The following CASK variants were observed in gnomAD, a reference collection of about 807,000 sequenced individuals.
CASK encodes calcium/calmodulin dependent serine protein kinase, also known as peripheral plasma membrane protein CASK.
In CASK, 4 loss-of-function variants were observed where a neutral mutation model predicts 82.9. The ratio of observed to expected loss-of-function variants is 0.05; its 90% CI spans 0.02 to 0.11. The LOEUF (loss-of-function observed/expected upper bound fraction) is 0.11, where lower values mean the gene tolerates loss of function less well. Among genes scored for constraint, CASK ranks in the 10% least tolerant of loss-of-function variants. CASK has a pLI of 1.00. For missense variants in CASK, 358 were observed against 720.9 expected (o/e 0.50, Z 5.76); for synonymous variants, 259 against 253.5 (o/e 1.02, Z -0.20).
intron 3 of CASK, among the ~76,000 whole-genome samples, chrX:41,757,301 A>T (rs1314578700): frequency 9.0e-6 from 1 of 110,597 alleles, no homozygotes; most frequent in African/African-American, 3.3e-5. Flanking sequence ...ATCTTTTCCC[A>T]ACACTTTTGC....
At chrX:41,774,012 T>C (rs1323620389) in intron 3 of CASK, among the ~76,000 whole-genome samples, 1 of 112,104 alleles carries the variant, frequency 8.9e-6, no homozygotes, top group Non-Finnish European at 1.9e-5. Context: ...CTATAATTTT[T>C]TATATAATAA....
chrX:41,711,573 T>C (rs764810221), intron 5 of CASK, among the ~76,000 whole-genome samples: 58 of 110,962 alleles, frequency 5.2e-4, no homozygotes, highest in Non-Finnish European at 9.1e-4. Context: ...CCTACCTACA[T>C]GTCCCGGGTA....
At chrX:41,827,402 T>G (rs2070690430) in intron 2 of CASK, among the ~76,000 whole-genome samples, 1 of 111,834 alleles carries the variant, frequency 8.9e-6, no homozygotes, top group Non-Finnish European at 1.9e-5. Flanking sequence ...AGATCTGGTA[T>G]CTAATGCAGG....
intron 7 of CASK, among the ~76,000 whole-genome samples, chrX:41,663,394 A>G (rs1337761558): frequency 1.8e-5 from 2 of 111,514 alleles, no homozygotes; most frequent in Non-Finnish European, 3.8e-5. Context: ...AAAAAAGTAA[A>G]TAAATTATTA....
At position 41,816,568 on chromosome X, in the gene CASK, A is replaced by G. The variant is rs566833239; in HGVS notation, c.173-29285T>C. Among the ~76,000 whole-genome samples, 9 of 111,007 alleles carry G rather than the reference A, an allele frequency of 8.1e-5. No individual in the cohort carries two copies. In the South Asian group the frequency reaches 1.5e-3, roughly 19 times the overall value. The stretch of plus-strand genomic sequence containing the variant: ...ACAGAAAACATAAATGAAACAAAAA[A>G]TGGGTTCTTGAAATAGATCAATGAA... On this transcript the variant is annotated intron_variant, in intron 2 of 26. Coordinates refer to ENST00000378163, the MANE Select transcript of CASK (RefSeq NM_001367721.1).
chrX:41,798,141 G>A (rs941955350), intron 2 of CASK, among the ~76,000 whole-genome samples: 1 of 111,819 alleles, frequency 8.9e-6, no homozygotes, highest in Non-Finnish European at 1.9e-5. Flanking sequence ...TATGTATGTG[G>A]ATATTGTCTT....
At chrX:41,842,466 G>T (rs1473041904) in intron 2 of CASK, among the ~76,000 whole-genome samples, 1 of 109,185 alleles carries the variant, frequency 9.2e-6, no homozygotes, top group Non-Finnish European at 1.9e-5. Flanking sequence ...CCAGATACTT[G>T]GGAGGCTGAG....
At chrX:41,770,073 C>T (rs866761687) in intron 3 of CASK, among the ~76,000 whole-genome samples, 14 of 111,018 alleles carry the variant, frequency 1.3e-4, no homozygotes, top group Admixed American at 3.9e-4. Context: ...TAAGAGATCT[C>T]GACCAATAAC....
chrX:41,569,404 G>A (rs1258318993), intron 16 of CASK, among the ~76,000 whole-genome samples: 1 of 110,977 alleles, frequency 9.0e-6, no homozygotes, highest in Non-Finnish European at 1.9e-5. Context: ...AAGAAACAAT[G>A]GAGGCCAATA....
At chrX:41,824,739 A>G (rs1162877459) in intron 2 of CASK, among the ~76,000 whole-genome samples, 1 of 111,455 alleles carries the variant, frequency 9.0e-6, no homozygotes, top group African/African-American at 3.3e-5. Context: ...TCCCACTAGC[A>G]TGGTGTCTCA....
At chrX:41,591,104 G>T (rs2065737885) in intron 12 of CASK, among the ~76,000 whole-genome samples, 1 of 111,685 alleles carries the variant, frequency 9.0e-6, no homozygotes, top group South Asian at 3.7e-4. Context: ...GGTGATTTGT[G>T]GCTCGTCCAC....
At chrX:41,760,231 A>T (rs925213380) in intron 3 of CASK, among the ~76,000 whole-genome samples, 18 of 112,396 alleles carry the variant, frequency 1.6e-4, no homozygotes, top group African/African-American at 5.8e-4. Context: ...TAATCCTCAC[A>T]GCTAAACACC....
chrX:41,632,041 C>A (rs2066476389), intron 9 of CASK, among the ~76,000 whole-genome samples: 1 of 111,110 alleles, frequency 9.0e-6, no homozygotes, highest in South Asian at 3.9e-4. Context: ...AGTGATCCTC[C>A]CACCTCAGCC....
intron 5 of CASK, among the ~76,000 whole-genome samples, chrX:41,738,636 T>C (rs1468064548): frequency 8.0e-5 from 9 of 111,983 alleles, no homozygotes; most frequent in Non-Finnish European, 5.6e-5. Context: ...AGGAACACTA[T>C]GTATGTGCAT....
At chrX:41,813,133 G>A (rs1323850630) in intron 2 of CASK, among the ~76,000 whole-genome samples, 1 of 111,594 alleles carries the variant, frequency 9.0e-6, no homozygotes, top group Non-Finnish European at 1.9e-5. Flanking sequence ...TCATGGATAG[G>A]AAGAATCAAT....
intron 3 of CASK, among the ~76,000 whole-genome samples, chrX:41,753,908 TTAAAGCAATTAATAAATCTAG>T (rs1469262219): frequency 6.3e-5 from 7 of 111,672 alleles, no homozygotes; most frequent in Middle Eastern, 4.2e-3. Flanking sequence ...TAAATAAATT[TTAAAGCAATTAATAAATCTAG>T]AAAATTCCTA....
chrX:41,622,722 G>A, intron 10 of CASK, 88 bp from the exon 11 acceptor site: 1 of 753,839 alleles, frequency 1.3e-6, no homozygotes, highest in Non-Finnish European at 1.9e-6. Flanking sequence ...CCCACTACAT[G>A]AGCCACCAGA....
At chrX:41,659,259 G>T (rs2066991598) in intron 8 of CASK, among the ~76,000 whole-genome samples, 1 of 107,779 alleles carries the variant, frequency 9.3e-6, no homozygotes, top group Non-Finnish European at 1.9e-5. Context: ...ACGGAGACTC[G>T]CTCTGTCACC....
At chrX:41,647,567 C>T (rs1007793862) in intron 8 of CASK, among the ~76,000 whole-genome samples, 2 of 111,102 alleles carry the variant, frequency 1.8e-5, no homozygotes, top group East Asian at 2.8e-4. Flanking sequence ...GCGTCAAAAT[C>T]GAGAGAACGA....
Sources: allele counts gnomAD v4.1 joint callset (sites outside exome capture counted in the v4.1 genomes callset), GRCh38; gene constraint gnomAD v4.1.1; transcripts MANE v1.5; gene names NCBI Gene and HGNC (gene_info 2026-07-23, HGNC 2026-07-21).